SCN8A: variants seen among roughly 807,000 people sequenced by gnomAD.
The protein encoded by SCN8A is sodium voltage-gated channel alpha subunit 8.
In SCN8A, 30 loss-of-function variants were observed where a neutral mutation model predicts 184.1. That is an observed-to-expected ratio of 0.16 (90% CI 0.12 to 0.22). The LOEUF (loss-of-function observed/expected upper bound fraction) is 0.22. Ranked by LOEUF, SCN8A falls within the 10% of genes least tolerant of loss-of-function variation. The pLI is 1.00. For missense variants in SCN8A, 1,057 were observed against 2,498.9 expected (o/e 0.42, Z 12.30); for synonymous variants, 852 against 907.0 (o/e 0.94, Z 1.09).
At chr12:51,720,841 G>A (rs930864396) in intron 11 of SCN8A, among the ~76,000 whole-genome samples, 2 of 151,702 alleles carry the variant, frequency 1.3e-5, no homozygotes, top group Non-Finnish European at 2.9e-5. Flanking sequence ...CGAGGCGGGT[G>A]GATCACCTGA....
At chr12:51,594,587 C>G (rs1011882072) in intron 1 of SCN8A, among the ~76,000 whole-genome samples, 1 of 152,090 alleles carries the variant, frequency 6.6e-6, no homozygotes, top group Admixed American at 6.5e-5. Context: ...GACACTAAAG[C>G]TATACTATAT....
At position 51,609,828 on chromosome 12, in the gene SCN8A, G is replaced by C. The variant is rs1210026910; in HGVS notation, c.-55+18469G>C. Among the ~76,000 whole-genome samples, 15 of 138,382 alleles carry C rather than the reference G, an allele frequency of 1.1e-4. No individual in the cohort carries two copies. In the East Asian group the frequency reaches 1.6e-3, roughly 15 times the overall value. The allele number at this position is 138,382 out of a possible 152,430, so 90.8% of individuals were successfully genotyped here. ...CGGGGCCTGTTGTGGGGTGTGGGGA[G>C]GGGGGAGGGGGGAGGGATAGCATTA... On this transcript the variant is annotated intron_variant, in intron 1 of 26. Coordinates refer to ENST00000627620, the MANE Select transcript of SCN8A (RefSeq NM_001330260.2).
At position 51,624,382 on chromosome 12, in the gene SCN8A, A is replaced by G. The variant is rs1940029960; in HGVS notation, c.-55+33023A>G. On this transcript the variant is annotated intron_variant, in intron 1 of 26. Transcript: ENST00000627620. Reference sequence around the variant, plus strand: ...GGCCAGTGATGATGAGCATTTTTTCATGTGTTTTTTGGCTGCATAAATGTC... The same window carrying G: ...GGCCAGTGATGATGAGCATTTTTTCGTGTGTTTTTTGGCTGCATAAATGTC... Among the ~76,000 whole-genome samples the G allele has an allele frequency of 2.0e-5, 3 of 151,986 alleles. No individual in the cohort carries two copies. In the South Asian group the frequency reaches 6.2e-4, roughly 32 times the overall value.
At chr12:51,791,711 CA>C (rs567003860) in intron 25 of SCN8A, among the ~76,000 whole-genome samples, 2 of 152,000 alleles carry the variant, frequency 1.3e-5, no homozygotes, top group Admixed American at 6.6e-5. Context: ...CCCATCTCTA[CA>C]AAAAAATTTT....
chr12:51,652,157 C>G (rs539645183), intron 1 of SCN8A, among the ~76,000 whole-genome samples: 12 of 152,134 alleles, frequency 7.9e-5, no homozygotes, highest in Non-Finnish European at 1.8e-4. Context: ...TCTGAACACT[C>G]TGCATCACAT....
At chr12:51,743,565 G>A (rs146608118) in intron 12 of SCN8A, among the ~76,000 whole-genome samples, 13 of 152,302 alleles carry the variant, frequency 8.5e-5, no homozygotes, top group South Asian at 2.1e-4. Flanking sequence ...CCTTGAACTG[G>A]AGTGTGTTGA....
intron 11 of SCN8A, among the ~76,000 whole-genome samples, chr12:51,716,619 A>C (rs1253130572): frequency 6.6e-6 from 1 of 152,130 alleles, no homozygotes; most frequent in Non-Finnish European, 1.5e-5. Context: ...GAGGGTCTTG[A>C]ATGCCATTTT....
intron 1 of SCN8A, among the ~76,000 whole-genome samples, chr12:51,629,539 T>A (rs1940152054): frequency 6.6e-6 from 1 of 150,584 alleles, no homozygotes; most frequent in Non-Finnish European, 1.5e-5. Flanking sequence ...ACTCTGGTAA[T>A]TTATACTTTT....
intron 10 of SCN8A, 26 bp downstream of exon 10, chr12:51,705,649 A>G: frequency 6.3e-7 from 1 of 1,591,558 alleles, no homozygotes; most frequent in South Asian, 1.1e-5. Context: ...TTTGCAATAG[A>G]CCTTCCTGCC....
intron 1 of SCN8A, among the ~76,000 whole-genome samples, chr12:51,651,010 TG>T (rs1940700296): frequency 6.6e-6 from 1 of 152,350 alleles, no homozygotes; most frequent in African/African-American, 2.4e-5. Flanking sequence ...AGGAATAGGT[TG>T]GGCTAGTTAA....
At chr12:51,626,850 G>GTATT (rs141604399) in intron 1 of SCN8A, among the ~76,000 whole-genome samples, 2 of 150,058 alleles carry the variant, frequency 1.3e-5, no homozygotes, top group African/African-American at 2.4e-5. Flanking sequence ...ATGTAAATTA[G>GTATT]TATTTATTTA....
chr12:51,595,069 T>C (rs1939315151), intron 1 of SCN8A, among the ~76,000 whole-genome samples: 1 of 152,202 alleles, frequency 6.6e-6, no homozygotes, highest in Admixed American at 6.5e-5. Flanking sequence ...CAATAAACCT[T>C]TTCTTAATCA....
chr12:51,753,044 C>T (rs1942620075), intron 14 of SCN8A, among the ~76,000 whole-genome samples: 1 of 152,060 alleles, frequency 6.6e-6, no homozygotes, highest in Admixed American at 6.5e-5. Flanking sequence ...ACCAGGCTAG[C>T]AAATAATGTT....
chr12:51,625,227 GT>G (rs796880518), intron 1 of SCN8A, among the ~76,000 whole-genome samples: 16 of 152,316 alleles, frequency 1.1e-4, no homozygotes, highest in African/African-American at 3.6e-4. Context: ...CTAGTAATCT[GT>G]TTTTCATCCC....
At chr12:51,792,399 G>A (rs1313515013) in intron 25 of SCN8A, among the ~76,000 whole-genome samples, 1 of 149,574 alleles carries the variant, frequency 6.7e-6, no homozygotes, top group South Asian at 2.2e-4. Context: ...AGAGGATGGC[G>A]TGAGTCCAGG....
intron 1 of SCN8A, among the ~76,000 whole-genome samples, chr12:51,657,729 A>G (rs1183385574): frequency 6.6e-6 from 1 of 151,980 alleles, no homozygotes; most frequent in Non-Finnish European, 1.5e-5. Context: ...TGTTTCTCCT[A>G]TGTTTTCTTC....
rs369940871 is a variant in SCN8A at position 51,698,506 on chromosome 12, G to A, written c.707-1064G>A. Among the ~76,000 whole-genome samples the A allele has an allele frequency of 8.5e-5, 13 of 152,220 alleles. No individual in the cohort carries two copies. In the East Asian group the frequency reaches 9.7e-4, roughly 11 times the overall value. On this transcript the variant is annotated intron_variant, in intron 6 of 26. Transcript: ENST00000627620. ...AAGAGTGCTCAGTGCTTTGTTGGCC[G>A]TATCCTATGGATAGCCTGATATCTG...
At chr12:51,749,170 T>A (rs558103002) in intron 13 of SCN8A, among the ~76,000 whole-genome samples, 1 of 152,220 alleles carries the variant, frequency 6.6e-6, no homozygotes, top group African/African-American at 2.4e-5. Flanking sequence ...TGATCTTTTC[T>A]AGCTCCTGAA....
rs560676564 is a variant in SCN8A at position 51,808,131 on chromosome 12, G to A, written c.*702G>A. The A allele has an allele frequency of 2.3e-3, 378 of 161,200 alleles. 3 individuals carry two copies. The highest frequency in any genetic ancestry group is 8.8e-3 in the African/African-American group (366 of 41,560). The allele number at this position is 161,200 out of a possible 1,614,324, so 10.0% of individuals were successfully genotyped here. A position where few individuals can be genotyped will look rare whatever the true frequency, so the allele number is the denominator to read the frequency against. Reference sequence around the variant, plus strand: ...CATGCATGAGATCCATACACCACAGGACACTACTAATCTAGTCCCTTGCAC... The same window carrying A: ...CATGCATGAGATCCATACACCACAGAACACTACTAATCTAGTCCCTTGCAC... On this transcript the variant is annotated 3_prime_UTR_variant, in exon 27 of 27. Transcript: ENST00000627620.
Sources: gnomAD v4.1 joint callset for allele counts (sites outside exome capture counted in the v4.1 genomes callset) on GRCh38, gnomAD v4.1.1 for gene constraint, MANE v1.5 for transcripts, NCBI Gene and HGNC (gene_info 2026-07-23, HGNC 2026-07-21) for gene names.